Variants in H3-7 observed in about 807,000 individuals in gnomAD.
H3-7 encodes the protein histone H3-7.
chr1:143,905,692 G>A, the H3-7 span: 4 of 1,582,800 alleles, frequency 2.5e-6, no homozygotes, highest in East Asian at 2.3e-5. Context: ...CTCCTGCAGC[G>A]CCATCACGGC....
the H3-7 span, chr1:143,904,653 C>T: frequency 1.9e-6 from 3 of 1,561,062 alleles, no homozygotes; most frequent in African/African-American, 1.4e-5. Flanking sequence ...TCCGAACTAC[C>T]GCAAAACGGG....
the H3-7 span, chr1:143,905,667 G>C: frequency 6.3e-7 from 1 of 1,582,982 alleles, no homozygotes; most frequent in Non-Finnish European, 8.7e-7. Context: ...GCCCCACCAG[G>C]TAGGCCTCTC....
At chr1:143,904,653 C>G in the H3-7 span, 41 of 1,560,946 alleles carry the variant, frequency 2.6e-5, 4 homozygotes, top group Non-Finnish European at 3.3e-5. Context: ...TCCGAACTAC[C>G]GCAAAACGGG....
At chr1:143,904,387 G>C in the H3-7 span, 1 of 1,582,832 alleles carries the variant, frequency 6.3e-7, no homozygotes, top group Non-Finnish European at 8.7e-7. Context: ...CCCGCGATGC[G>C]CTCGAAGATG....
At chr1:143,905,850 C>A in the H3-7 span, 24 of 1,581,634 alleles carry the variant, frequency 1.5e-5, no homozygotes, top group Admixed American at 3.0e-4. Flanking sequence ...GGTAGCGGTG[C>A]GGCTTCTTCA....
chr1:143,903,746 T>C, the H3-7 span, among the ~76,000 whole-genome samples: 1 of 83,686 alleles, frequency 1.2e-5, no homozygotes, highest in East Asian at 3.7e-4. Flanking sequence ...CAGACGCCTG[T>C]AGGTATATGG....
At chr1:143,905,524 G>C in the H3-7 span, 4 of 1,470,862 alleles carry the variant, frequency 2.7e-6, no homozygotes, top group Admixed American at 3.6e-5. Flanking sequence ...GCTCTGAAAA[G>C]AGCCTTTAGA....
At chr1:143,904,340 G>A in the H3-7 span, 3 of 1,576,896 alleles carry the variant, frequency 1.9e-6, 1 homozygote, top group Non-Finnish European at 2.6e-6. Flanking sequence ...ACGTGATGGT[G>A]GAGCGCTTGT....
chr1:143,905,448 G>T, the H3-7 span: 3 of 912,344 alleles, frequency 3.3e-6, no homozygotes, highest in Non-Finnish European at 5.0e-6. Context: ...GCCCCTGACC[G>T]CTGCGCAAGG....
At chr1:143,904,633 A>C in the H3-7 span, 17 of 1,579,322 alleles carry the variant, frequency 1.1e-5, 2 homozygotes, top group East Asian at 3.2e-4. Context: ...ACAGAGACTT[A>C]AAGAAGTAAT....
chr1:143,905,738 G>C, the H3-7 span: 1 of 1,581,582 alleles, frequency 6.3e-7, no homozygotes, highest in Non-Finnish European at 8.7e-7. Context: ...TTAAACTCCT[G>C]CGCGATCTCG....
At chr1:143,903,064 CGCCTGTAGTCCCA>C in the H3-7 span, among the ~76,000 whole-genome samples, 3 of 137,030 alleles carry the variant, frequency 2.2e-5, no homozygotes, top group Non-Finnish European at 4.9e-5. Context: ...TAGTGGCGGA[CGCCTGTAGTCCCA>C]GCTACTTGGG....
the H3-7 span, chr1:143,905,840 G>A: frequency 1.3e-6 from 2 of 1,581,868 alleles, no homozygotes; most frequent in East Asian, 2.3e-5. Context: ...GTGCCGGGCC[G>A]GTAGCGGTGC....
At chr1:143,905,453 G>A in the H3-7 span, 1 of 940,574 alleles carries the variant, frequency 1.1e-6, no homozygotes, top group Non-Finnish European at 1.6e-6. Context: ...TGACCGCTGC[G>A]CAAGGCAGAC....
At chr1:143,905,540 C>T in the H3-7 span, 3 of 1,541,914 alleles carry the variant, frequency 1.9e-6, no homozygotes, top group Non-Finnish European at 1.8e-6. Context: ...TTAGATCGAC[C>T]ACTTAAAAAT....
the H3-7 span, chr1:143,905,588 A>T: frequency 6.3e-7 from 1 of 1,581,890 alleles, no homozygotes. Context: ...CGGCTGACCA[A>T]CTGGATGTCC....
the H3-7 span, chr1:143,904,310 G>T: frequency 1.3e-6 from 2 of 1,582,930 alleles, no homozygotes; most frequent in Non-Finnish European, 1.7e-6. Context: ...GCAGGCGCAC[G>T]GCCGTCTGGA....
At chr1:143,904,742 C>T in the H3-7 span, 15 of 903,752 alleles carry the variant, frequency 1.7e-5, 1 homozygote, top group Middle Eastern at 2.6e-4. Context: ...TAACTTACAA[C>T]GGTGTCGTCA....
At chr1:143,905,560 G>A in the H3-7 span, 17 of 1,577,698 alleles carry the variant, frequency 1.1e-5, 3 homozygotes, top group Non-Finnish European at 1.4e-5. Flanking sequence ...TATACCTTAG[G>A]CCCGCTCCCC....
Sources: gnomAD v4.1 joint callset for allele counts (sites outside exome capture counted in the v4.1 genomes callset) on GRCh38, gnomAD v4.1.1 for gene constraint, MANE v1.5 for transcripts, NCBI Gene and HGNC (gene_info 2026-07-23, HGNC 2026-07-21) for gene names.